The following CSNK2A1 variants were observed in gnomAD, a reference collection of about 807,000 sequenced individuals.
CSNK2A1 encodes the protein casein kinase 2 alpha 1.
A neutral mutation model predicts 62.9 loss-of-function variants in CSNK2A1; 10 were observed. That is an observed-to-expected ratio of 0.16 (90% CI 0.10 to 0.27). CSNK2A1 has a LOEUF of 0.27. Ranked by LOEUF, CSNK2A1 falls within the 10% of genes least tolerant of loss-of-function variation. The pLI is 1.00. For missense variants in CSNK2A1, 160 were observed against 492.0 expected, an observed-to-expected ratio of 0.33 and a Z score of 6.38; for synonymous variants, 124 against 167.8, an observed-to-expected ratio of 0.74 and a Z score of 2.02.
chr20:504,866 A>G (rs2018543223), intron 4 of CSNK2A1: 1 of 419,102 alleles, frequency 2.4e-6, no homozygotes, highest in African/African-American at 2.1e-5. Context: ...CTGGGAGAGA[A>G]GAGACTGTAC....
At position 493,509 on chromosome 20, in the gene CSNK2A1, G is replaced by C. The variant is rs115694298; in HGVS notation, c.511-1145C>G. ...CTATGGAGAGATTATAGATTCACAGGAAATTGCCAAAGTAGTAGAGATTCT... is the reference window on the plus strand; with the variant it reads ...CTATGGAGAGATTATAGATTCACAGCAAATTGCCAAAGTAGTAGAGATTCT... On this transcript the variant is annotated intron_variant, in intron 8 of 13. Coordinates refer to ENST00000217244, the MANE Select transcript of CSNK2A1 (RefSeq NM_177559.3). Among the ~76,000 whole-genome samples, 1,059 of 152,252 alleles carry C rather than the reference G, an allele frequency of 7.0e-3. 12 individuals carry two copies. Among genetic ancestry groups the C allele is most frequent in the African/African-American group, 0.024 (998 of 41,558 alleles).
Position 480,446 on chromosome 20 carries a change from A to C in CSNK2A1, c.*3515T>G, listed in dbSNP as rs980318210. On this transcript the variant is annotated 3_prime_UTR_variant, in exon 14 of 14. Coordinates refer to ENST00000217244, the MANE Select transcript of CSNK2A1 (RefSeq NM_177559.3). Reference sequence around the variant, plus strand: ...CTTAAAAAAAAAAACAAAAGGTTTTAATGAGGATTGCATAAGACATGCAAG... The same window carrying C: ...CTTAAAAAAAAAAACAAAAGGTTTTCATGAGGATTGCATAAGACATGCAAG... 1.3e-5 allele frequency: 2 copies of C among 152,134 alleles called. No homozygotes were observed. The highest frequency in any genetic ancestry group is 2.9e-5 in the Non-Finnish European group (2 of 68,030). 9.4% of individuals were successfully genotyped at this position (152,134 alleles called of 1,614,324 possible).
At chr20:495,643 CAAGGGATA>C in intron 8 of CSNK2A1, 68 bp downstream of exon 8, 1 of 1,297,294 alleles carries the variant, frequency 7.7e-7, no homozygotes. Flanking sequence ...TGTGACAACA[CAAGGGATA>C]AAGTGTTGAA....
In CSNK2A1 at chr20:543,710, T is replaced by A. The variant is rs1280332770; in HGVS notation, c.-265A>T. On this transcript the variant is annotated 5_prime_UTR_variant, in exon 1 of 14. Coordinates refer to ENST00000217244, the MANE Select transcript of CSNK2A1 (RefSeq NM_177559.3). ...GGCAGCGGCGGCGGCCGCTCTCCCC[T>A]CTGCTCACACAGACAATATGGCGGC... 1 of 398,272 alleles carries A rather than the reference T, an allele frequency of 2.5e-6. No individual in the cohort carries two copies. Among genetic ancestry groups the A allele is most frequent in the Non-Finnish European group, 4.4e-6 (1 of 226,016 alleles). The allele number at this position is 398,272 out of a possible 1,614,324, so 24.7% of individuals were successfully genotyped here. A position where few individuals can be genotyped will look rare whatever the true frequency, so the allele number is the denominator to read the frequency against.
At chr20:484,998 C>G (rs531627632) in intron 13 of CSNK2A1, among the ~76,000 whole-genome samples, 1 of 131,954 alleles carries the variant, frequency 7.6e-6, no homozygotes, top group Non-Finnish European at 1.6e-5. Flanking sequence ...ACCCGGGAGG[C>G]GGAGGCTGCA....
rs758769008 is a variant in CSNK2A1 at position 489,837 on chromosome 20, C to T, written c.666G>A (p.Leu222=). The T allele has an allele frequency of 1.1e-5, 18 of 1,613,162 alleles. No homozygotes were observed. Among genetic ancestry groups the T allele is most frequent in the Non-Finnish European group, 1.5e-5 (18 of 1,179,498 alleles). Residue 222 remains leucine, a synonymous_variant, in exon 10 of 14, where the codon CTG becomes CTA. Coordinates refer to ENST00000217244, the MANE Select transcript of CSNK2A1 (RefSeq NM_177559.3). ...SLDMWSLGCM[L]ASMIFRKEPF... ...GCTCCTTCCGAAAGATCATACTTGC[C>T]AGCATACAACCCAAACTCCACATAT...
chr20:479,740 C>T lies in CSNK2A1; in HGVS notation c.*4221G>A, dbSNP rs2017917460. ...AGTCCAGAACATCTTGTGACACCATCTACATATGTTTTACTTGGAGAATAG... is the reference window on the plus strand; with the variant it reads ...AGTCCAGAACATCTTGTGACACCATTTACATATGTTTTACTTGGAGAATAG... On this transcript the variant is annotated 3_prime_UTR_variant, in exon 14 of 14. Coordinates refer to ENST00000217244, the MANE Select transcript of CSNK2A1 (RefSeq NM_177559.3). 6.6e-6 allele frequency: 1 copy of T among 152,180 alleles called. No individual in the cohort carries two copies. The highest frequency in any genetic ancestry group is 1.5e-5 in the Non-Finnish European group (1 of 68,026). 9.4% of individuals were successfully genotyped at this position (152,180 alleles called of 1,614,324 possible).
chr20:520,652 A>C (rs947199531), intron 2 of CSNK2A1, among the ~76,000 whole-genome samples: 1 of 152,158 alleles, frequency 6.6e-6, no homozygotes, highest in African/African-American at 2.4e-5. Flanking sequence ...GGAGTGTGTC[A>C]CTATGCCCTG....
intron 2 of CSNK2A1, among the ~76,000 whole-genome samples, chr20:518,679 T>TG (rs950142519): frequency 2.4e-4 from 36 of 151,202 alleles, no homozygotes; most frequent in Non-Finnish European, 4.0e-4. Context: ...CCCGAGTAGC[T>TG]GGGACTACAG....
chr20:485,331 G>A (rs182267056), intron 13 of CSNK2A1, among the ~76,000 whole-genome samples: 17 of 151,064 alleles, frequency 1.1e-4, no homozygotes, highest in Admixed American at 5.3e-4. Context: ...TAAAGGCGCC[G>A]CCGCCACGCC....
chr20:527,545 G>A (rs1568559934), intron 2 of CSNK2A1, among the ~76,000 whole-genome samples: 3 of 152,120 alleles, frequency 2.0e-5, no homozygotes, highest in Admixed American at 6.6e-5. Context: ...CCACTATGAA[G>A]CACACTATGA....
rs1443665369 is a variant in CSNK2A1, at chr20:474,084, T to C, written c.*9877A>G. 6.6e-6 allele frequency: 1 copy of C among 152,204 alleles called. No homozygotes were observed. The highest frequency in any genetic ancestry group is 2.4e-5 in the African/African-American group (1 of 41,444). 9.4% of individuals were successfully genotyped at this position (152,204 alleles called of 1,614,324 possible). The stretch of plus-strand genomic sequence containing the variant: ...TTTATTATTTTTAAGAGAGAGGTTC[T>C]CACTCTGTCAGCCAGGTCTCACTGA... On this transcript the variant is annotated 3_prime_UTR_variant, in exon 14 of 14. Transcript: ENST00000217244.
chr20:523,211 G>C (rs1028979096), intron 2 of CSNK2A1, among the ~76,000 whole-genome samples: 2 of 152,136 alleles, frequency 1.3e-5, no homozygotes, highest in Non-Finnish European at 1.5e-5. Context: ...AAATAGTACT[G>C]TATAGCCATT....
In CSNK2A1 at chr20:483,453, C is replaced by T. The variant is rs937463224; in HGVS notation, c.*508G>A. Reference sequence around the variant, plus strand: ...GCGACCAGCAAGCAGTCCACTGCTCCTATAGATTGGGTCCTCCCTTCCTTC... The same window carrying T: ...GCGACCAGCAAGCAGTCCACTGCTCTTATAGATTGGGTCCTCCCTTCCTTC... On this transcript the variant is annotated 3_prime_UTR_variant, in exon 14 of 14. Coordinates refer to ENST00000217244, the MANE Select transcript of CSNK2A1 (RefSeq NM_177559.3). 6.6e-6 allele frequency: 1 copy of T among 152,612 alleles called. No homozygotes were observed. The highest frequency in any genetic ancestry group is 1.5e-5 in the Non-Finnish European group (1 of 68,076). The allele number at this position is 152,612 out of a possible 1,614,324, so 9.5% of individuals were successfully genotyped here.
At position 543,673 on chromosome 20, in the gene CSNK2A1, T is replaced by A; in HGVS notation, c.-228A>T. On this transcript the variant is annotated splice_region_variant and 5_prime_UTR_variant, in exon 1 of 14. Transcript: ENST00000217244. ...CTCGCCTGGCTGCTCCCTAGGTACC[T>A]GTGGTGGAAGCGGCAGCGGCGGCGG... 1 of 398,032 alleles carries A rather than the reference T, an allele frequency of 2.5e-6. No individual in the cohort carries two copies. The highest frequency in any genetic ancestry group is 4.4e-6 in the Non-Finnish European group (1 of 225,940). The allele number at this position is 398,032 out of a possible 1,614,324, so 24.7% of individuals were successfully genotyped here.
At chr20:532,004 T>C (rs551196187) in intron 1 of CSNK2A1, among the ~76,000 whole-genome samples, 2 of 152,228 alleles carry the variant, frequency 1.3e-5, no homozygotes, top group African/African-American at 4.8e-5. Context: ...GAATCATGTG[T>C]CCAAAGAGAA....
At position 475,926 on chromosome 20, in the gene CSNK2A1, TG is replaced by T. The variant is rs1209234544; in HGVS notation, c.*8034del. On this transcript the variant is annotated 3_prime_UTR_variant, in exon 14 of 14. Transcript: ENST00000217244. ...ACCCACAACCTGAAAAACAGCTGCTTGGGCTGAACTTGATCTAGATCAGCTG... is the reference window on the plus strand; with the variant it reads ...ACCCACAACCTGAAAAACAGCTGCTTGGCTGAACTTGATCTAGATCAGCTG... The T allele has an allele frequency of 6.6e-6, 1 of 152,232 alleles. No individual in the cohort carries two copies. Among genetic ancestry groups the T allele is most frequent in the African/African-American group, 2.4e-5 (1 of 41,454 alleles). 9.4% of individuals were successfully genotyped at this position (152,232 alleles called of 1,614,324 possible).
chr20:492,177 T>G, intron 9 of CSNK2A1, 77 bp downstream of exon 9: 1 of 1,309,636 alleles, frequency 7.6e-7, no homozygotes, highest in Non-Finnish European at 1.1e-6. Context: ...ATGCACAAAA[T>G]GATACTTTTT....
At chr20:534,092 G>A (rs1416601070) in intron 1 of CSNK2A1, among the ~76,000 whole-genome samples, 1 of 152,162 alleles carries the variant, frequency 6.6e-6, no homozygotes, top group Non-Finnish European at 1.5e-5. Context: ...GTTACCATTT[G>A]AATGCCTCTT....
Sources: gnomAD v4.1 joint callset for allele counts (sites outside exome capture counted in the v4.1 genomes callset) on GRCh38, gnomAD v4.1.1 for gene constraint, MANE v1.5 for transcripts, NCBI Gene and HGNC (gene_info 2026-07-23, HGNC 2026-07-21) for gene names.